The following NRG2 variants were observed in gnomAD, a reference collection of about 807,000 sequenced individuals.
NRG2 encodes neuregulin 2, also known as pro-neuregulin-2, membrane-bound isoform.
In NRG2, 27 loss-of-function variants were observed where a neutral mutation model predicts 73.9. The observed-to-expected ratio is 0.37, with a 90% CI of 0.27 to 0.50. The LOEUF (loss-of-function observed/expected upper bound fraction) is 0.50. Ranked by LOEUF, NRG2 falls within the 20% of genes least tolerant of loss-of-function variation. NRG2 has a pLI of 0.96. For synonymous variants in NRG2, 532 were observed against 541.0 expected (o/e 0.98, Z 0.23); for missense variants, 1,126 against 1,210.1 (o/e 0.93, Z 1.03).
chr5:140,003,312 G>A (rs1758638787), intron 1 of NRG2, among the ~76,000 whole-genome samples: 1 of 152,130 alleles, frequency 6.6e-6, no homozygotes, highest in African/African-American at 2.4e-5. Flanking sequence ...CCTAATTTCT[G>A]GAACCTGTAA....
chr5:139,847,379 C>T lies in NRG2; in HGVS notation c.*538G>A, dbSNP rs1429532319. On this transcript the variant is annotated 3_prime_UTR_variant, in exon 10 of 10. Coordinates refer to ENST00000361474, the MANE Select transcript of NRG2 (RefSeq NM_004883.3). ...AGTTACCCCAGCTCCAGCTCCAAGC[C>T]TAGGGTCCTGGCCCTCTCCTCCCAG... The T allele has an allele frequency of 2.0e-5, 3 of 152,256 alleles. No individual in the cohort carries two copies. Among genetic ancestry groups the T allele is most frequent in the Admixed American group, 6.5e-5 (1 of 15,276 alleles). The allele number at this position is 152,256 out of a possible 1,614,324, so 9.4% of individuals were successfully genotyped here. A position where few individuals can be genotyped will look rare whatever the true frequency, so the allele number is the denominator to read the frequency against.
chr5:139,932,262 A>G (rs866313652), intron 1 of NRG2, among the ~76,000 whole-genome samples: 162 of 140,810 alleles, frequency 1.2e-3, no homozygotes, highest in Non-Finnish European at 2.2e-3. Flanking sequence ...GTGTGTGTGT[A>G]TACACAGTGA....
At position 140,030,999 on chromosome 5, in the gene NRG2, T is replaced by C. The variant is rs879465324; in HGVS notation, c.700+11371A>G. ...ATGACTTCTGGAAAAAAAAACTCCA[T>C]GTTATGTCCAAAAGAATCCAACCTA... On this transcript the variant is annotated intron_variant, in intron 1 of 9. Transcript: ENST00000361474. Among the ~76,000 whole-genome samples, 29 of 152,146 alleles carry C rather than the reference T, an allele frequency of 1.9e-4. 1 individual carries two copies. The highest frequency in any genetic ancestry group is 1.6e-3 in the Admixed American group (24 of 15,274).
chr5:139,936,992 G>C (rs1037545967), intron 1 of NRG2, among the ~76,000 whole-genome samples: 1 of 152,198 alleles, frequency 6.6e-6, no homozygotes, highest in Admixed American at 6.5e-5. Context: ...AGTAGAGACA[G>C]GGTTTCGCCA....
chr5:139,867,838 CAGAGAG>C (rs1046207650), intron 4 of NRG2, among the ~76,000 whole-genome samples: 1 of 80,228 alleles, frequency 1.2e-5, no homozygotes, highest in African/African-American at 4.3e-5. Context: ...GTGTGTGTGA[CAGAGAG>C]AGAGAGAAAA....
chr5:139,849,940 C>T (rs1343364583), intron 9 of NRG2, among the ~76,000 whole-genome samples: 1 of 152,242 alleles, frequency 6.6e-6, no homozygotes, highest in Non-Finnish European at 1.5e-5. Context: ...CACCCAGGGT[C>T]AGTCTGTCTG....
At chr5:139,917,445 T>C (rs1192231042) in intron 1 of NRG2, among the ~76,000 whole-genome samples, 2 of 152,062 alleles carry the variant, frequency 1.3e-5, no homozygotes, top group African/African-American at 4.8e-5. Flanking sequence ...AGAGACAGGG[T>C]TTTGCCACAT....
At chr5:139,871,530 T>G (rs1356202854) in intron 4 of NRG2, among the ~76,000 whole-genome samples, 191 bp downstream of exon 4, 1 of 152,112 alleles carries the variant, frequency 6.6e-6, no homozygotes, top group African/African-American at 2.4e-5. Flanking sequence ...CACAAGCCCC[T>G]GTGCCCCTTA....
At chr5:139,991,453 A>G (rs1215682139) in intron 1 of NRG2, among the ~76,000 whole-genome samples, 1 of 151,982 alleles carries the variant, frequency 6.6e-6, no homozygotes, top group Non-Finnish European at 1.5e-5. Flanking sequence ...TCATATTATT[A>G]TTATTATTAA....
intron 1 of NRG2, among the ~76,000 whole-genome samples, chr5:140,039,928 G>T (rs1251339196): frequency 6.6e-6 from 1 of 152,206 alleles, no homozygotes; most frequent in Non-Finnish European, 1.5e-5. Context: ...GCTTTCTTTA[G>T]AATAGAAAAC....
At chr5:139,984,500 G>A (rs1383471365) in intron 1 of NRG2, among the ~76,000 whole-genome samples, 1 of 152,168 alleles carries the variant, frequency 6.6e-6, no homozygotes, top group East Asian at 1.9e-4. Context: ...TTTAGTATAT[G>A]TGCTGCCAAA....
In NRG2 at chr5:139,938,957, GAAAAAA is replaced by G. The variant is rs1561694155; in HGVS notation, c.701-51452_701-51447del. Among the ~76,000 whole-genome samples the G allele has an allele frequency of 1.4e-3, 154 of 107,444 alleles. 1 individual carries two copies. Among genetic ancestry groups the G allele is most frequent in the Middle Eastern group, 0.011 (2 of 180 alleles). 70.5% of individuals were successfully genotyped at this position (107,444 alleles called of 152,430 possible). On this transcript the variant is annotated intron_variant, in intron 1 of 9. Transcript: ENST00000361474. ...AGAAAGAAAGAAAGAAAGAAAGAAA[GAAAAAA>G]GAAGGAAGGAAGGGAAGGAAGGAAA...
intron 1 of NRG2, among the ~76,000 whole-genome samples, chr5:140,010,122 AC>A (rs1439364765): frequency 6.6e-6 from 1 of 152,036 alleles, no homozygotes; most frequent in Non-Finnish European, 1.5e-5. Flanking sequence ...ACGTGGTGAA[AC>A]CCTGTCTCTA....
At chr5:140,005,068 A>C (rs1179965622) in intron 1 of NRG2, among the ~76,000 whole-genome samples, 6 of 152,228 alleles carry the variant, frequency 3.9e-5, no homozygotes, top group Admixed American at 3.9e-4. Context: ...AAACAAAATG[A>C]ACCTGACATC....
At chr5:140,037,048 A>G (rs1761556901) in intron 1 of NRG2, among the ~76,000 whole-genome samples, 1 of 152,252 alleles carries the variant, frequency 6.6e-6, no homozygotes, top group Non-Finnish European at 1.5e-5. Context: ...ACTTCAGAAC[A>G]GTATTCAGGT....
chr5:139,928,090 C>A (rs1333517998), intron 1 of NRG2, among the ~76,000 whole-genome samples: 1 of 152,144 alleles, frequency 6.6e-6, no homozygotes, highest in African/African-American at 2.4e-5. Context: ...AACCAACAGC[C>A]AAAGGCAAGA....
intron 1 of NRG2, among the ~76,000 whole-genome samples, chr5:139,929,485 T>C (rs1752301595): frequency 6.6e-6 from 1 of 152,182 alleles, no homozygotes. Flanking sequence ...ATAGGGCTTA[T>C]CAGATGAATG....
At chr5:139,900,296 T>C (rs1408761236) in intron 1 of NRG2, among the ~76,000 whole-genome samples, 1 of 152,248 alleles carries the variant, frequency 6.6e-6, no homozygotes, top group Non-Finnish European at 1.5e-5. Context: ...GGGCCTGTTG[T>C]TTATTCACAT....
chr5:140,017,992 C>A (rs1019775052), intron 1 of NRG2, among the ~76,000 whole-genome samples: 1 of 151,864 alleles, frequency 6.6e-6, no homozygotes, highest in African/African-American at 2.4e-5. Context: ...AAGAGAGGAC[C>A]GATAAGTATA....
Sources: gnomAD v4.1 joint callset for allele counts (sites outside exome capture counted in the v4.1 genomes callset) on GRCh38, gnomAD v4.1.1 for gene constraint, MANE v1.5 for transcripts, NCBI Gene and HGNC (gene_info 2026-07-23, HGNC 2026-07-21) for gene names.